The following PHACTR3 variants were observed in gnomAD, a reference collection of about 807,000 sequenced individuals.
The protein encoded by PHACTR3 is phosphatase and actin regulator 3, also known as protein phosphatase 1, regulatory subunit 123.
PHACTR3 carries 16 observed loss-of-function variants against 66.8 expected under a neutral mutation model. The ratio of observed to expected loss-of-function variants is 0.24; its 90% CI spans 0.16 to 0.36. PHACTR3 has a LOEUF of 0.36. Among genes scored for constraint, PHACTR3 ranks in the 10% least tolerant of loss-of-function variants. The pLI is 1.00. For missense variants in PHACTR3, 647 were observed against 719.9 expected (o/e 0.90, Z 1.16); for synonymous variants, 323 against 292.1 (o/e 1.11, Z -1.08).
At chr20:59,755,115 C>A in intron 3 of PHACTR3, 67 bp from the exon 4 acceptor site, 1 of 1,513,896 alleles carries the variant, frequency 6.6e-7, no homozygotes, top group Non-Finnish European at 9.0e-7. Context: ...CAGAAAGACT[C>A]TTGGGACGAC....
intron 1 of PHACTR3, among the ~76,000 whole-genome samples, chr20:59,737,077 C>G (rs2038969648): frequency 6.6e-6 from 1 of 152,162 alleles, no homozygotes. Flanking sequence ...GAATCAGGTT[C>G]AAGTCCCTGA....
chr20:59,583,581 C>T lies in PHACTR3; in HGVS notation c.109+5964C>T, dbSNP rs569060537. Among the ~76,000 whole-genome samples the T allele has an allele frequency of 4.0e-3, 611 of 152,364 alleles. 6 individuals are homozygous for T. Among genetic ancestry groups the T allele is most frequent in the Non-Finnish European group, 6.2e-3 (423 of 68,042 alleles). On this transcript the variant is annotated intron_variant, in intron 1 of 12. Coordinates refer to the PHACTR3 transcript ENST00000359926. The stretch of plus-strand genomic sequence containing the variant: ...GCGTGCCCGCCTACGCAAGCAGCCT[C>T]GGACTGACTCCCAACAACCCCAGGG...
At chr20:59,580,646 C>T (rs769639685) in intron 1 of PHACTR3, among the ~76,000 whole-genome samples, 5 of 151,838 alleles carry the variant, frequency 3.3e-5, no homozygotes, top group Admixed American at 6.6e-5. Context: ...AGCTGATGCT[C>T]ATTAAAAGTT....
intron 1 of PHACTR3, among the ~76,000 whole-genome samples, chr20:59,585,270 C>G (rs1004557134): frequency 6.6e-6 from 1 of 152,180 alleles, no homozygotes. Flanking sequence ...TGCAAAGCCA[C>G]GTTGCAAGAA....
intron 1 of PHACTR3, among the ~76,000 whole-genome samples, chr20:59,686,147 T>C (rs2036853591): frequency 6.6e-6 from 1 of 152,180 alleles, no homozygotes; most frequent in Admixed American, 6.5e-5. Context: ...TATCTTTTAA[T>C]AGACCCTGCA....
chr20:59,671,432 C>T, intron 1 of PHACTR3, among the ~76,000 whole-genome samples: 1 of 152,214 alleles, frequency 6.6e-6, no homozygotes, highest in Non-Finnish European at 1.5e-5. Flanking sequence ...GCTTAGCCCT[C>T]CTCTGCTTTA....
chr20:59,781,382 C>T (rs893173761), intron 7 of PHACTR3, among the ~76,000 whole-genome samples: 15 of 152,332 alleles, frequency 9.8e-5, no homozygotes, highest in East Asian at 5.8e-4. Flanking sequence ...GGGTAACCCA[C>T]GGCGCCCAGC....
upstream of PHACTR3, chr20:59,603,715 A>AGGTGTCTCTGTGGTCCTTGAATCCT (rs2033551805): frequency 6.6e-6 from 1 of 151,878 alleles, no homozygotes; most frequent in Non-Finnish European, 1.5e-5. Context: ...GTCCTCCCCC[A>AGGTGTCTCTGTGGTCCTTGAATCCT]GGTGTCTCTG....
chr20:59,747,726 G>A (rs369907674), intron 2 of PHACTR3, 32 bp from the exon 3 acceptor site: 22 of 1,608,954 alleles, frequency 1.4e-5, no homozygotes, highest in Middle Eastern at 3.3e-4. Context: ...ACCTTTGCCT[G>A]AGACTCACCT....
intron 10 of PHACTR3, among the ~76,000 whole-genome samples, chr20:59,840,949 A>ATTTCTAAATTCAAGT (rs2059047217): frequency 6.6e-6 from 1 of 152,178 alleles, no homozygotes; most frequent in Non-Finnish European, 1.5e-5. Context: ...AGCCTTGACC[A>ATTTCTAAATTCAAGT]TTTCTAAATT....
chr20:59,629,495 T>C (rs1393337217), intron 1 of PHACTR3, among the ~76,000 whole-genome samples: 1 of 152,164 alleles, frequency 6.6e-6, no homozygotes, highest in Admixed American at 6.5e-5. Flanking sequence ...GAGATCAAGG[T>C]GCCAGCAGGG....
chr20:59,841,675 G>C (rs1175122908), intron 11 of PHACTR3, 140 bp downstream of exon 11: 1 of 916,182 alleles, frequency 1.1e-6, no homozygotes, highest in Non-Finnish European at 1.5e-6. Flanking sequence ...GTTTCTCAAA[G>C]ATAATTCAGG....
chr20:59,622,284 G>C (rs981116479), intron 1 of PHACTR3, among the ~76,000 whole-genome samples: 6 of 152,072 alleles, frequency 3.9e-5, no homozygotes, highest in African/African-American at 1.2e-4. Context: ...TCAGGCTTCA[G>C]CCTCAGCCGT....
rs576967359 is a variant in PHACTR3, at chr20:59,791,296, C to G, written c.1175-14745C>G. Among the ~76,000 whole-genome samples the G allele has an allele frequency of 1.1e-4, 17 of 152,274 alleles. No individual in the cohort carries two copies. In the South Asian group the frequency reaches 3.3e-3, roughly 30 times the overall value. On this transcript the variant is annotated intron_variant, in intron 7 of 12. Transcript: ENST00000371015. Reference sequence around the variant, plus strand: ...AGAAGGCCCCTTGTTATGCTGGTACCTTGCTGTTGGACTTCCCAGCCTCCA... The same window carrying G: ...AGAAGGCCCCTTGTTATGCTGGTACGTTGCTGTTGGACTTCCCAGCCTCCA...
intron 1 of PHACTR3, among the ~76,000 whole-genome samples, chr20:59,683,634 A>G (rs996482762): frequency 3.3e-5 from 5 of 152,210 alleles, no homozygotes; most frequent in African/African-American, 1.2e-4. Flanking sequence ...AGTTAGGCAT[A>G]GTCTCTCACT....
At chr20:59,584,576 T>G (rs1037185318) in intron 1 of PHACTR3, among the ~76,000 whole-genome samples, 8 of 152,148 alleles carry the variant, frequency 5.3e-5, no homozygotes, top group African/African-American at 1.7e-4. Context: ...TATGTGTGCA[T>G]GTATATATGG....
At chr20:59,831,367 G>A (rs1210768401) in intron 8 of PHACTR3, among the ~76,000 whole-genome samples, 1 of 152,188 alleles carries the variant, frequency 6.6e-6, no homozygotes, top group Non-Finnish European at 1.5e-5. Flanking sequence ...CAGGGACCAG[G>A]TAGGGAGACC....
At chr20:59,819,854 G>T (rs1021325327) in intron 8 of PHACTR3, among the ~76,000 whole-genome samples, 1 of 152,176 alleles carries the variant, frequency 6.6e-6, no homozygotes, top group Admixed American at 6.5e-5. Context: ...TTGGGCCGGT[G>T]CTGTACCGGT....
At chr20:59,777,035 CAA>C (rs2040563217) in intron 7 of PHACTR3, among the ~76,000 whole-genome samples, 2 of 152,182 alleles carry the variant, frequency 1.3e-5, no homozygotes, top group South Asian at 4.2e-4. Flanking sequence ...AATCCAAAAT[CAA>C]AGTGTGGGTA....
Sources: gnomAD v4.1 joint callset for allele counts (sites outside exome capture counted in the v4.1 genomes callset) on GRCh38, gnomAD v4.1.1 for gene constraint, MANE v1.5 for transcripts, NCBI Gene and HGNC (gene_info 2026-07-23, HGNC 2026-07-21) for gene names.